Variants in PABPN1L observed in about 807,000 individuals in gnomAD.
PABPN1L encodes PABPN1 like, cytoplasmic.
A neutral mutation model predicts 34.0 loss-of-function variants in PABPN1L; 45 were observed. The ratio of observed to expected loss-of-function variants is 1.32; its 90% CI spans 1.04 to 1.70. The LOEUF (loss-of-function observed/expected upper bound fraction) is 1.70. Among genes scored for constraint, PABPN1L ranks in the 40% most tolerant of loss-of-function variants. The pLI is 0.00. For synonymous variants in PABPN1L, 182 were observed against 152.1 expected (o/e 1.20, Z -1.45); for missense variants, 459 against 367.8 (o/e 1.25, Z -2.03).
rs770096468 is a variant in PABPN1L, at chr16:88,865,860, C to T, written c.337G>A (p.Ala113Thr). 7.5e-6 allele frequency: 12 copies of T among 1,609,946 alleles called. No individual in the cohort carries two copies. In the East Asian group the frequency reaches 2.7e-4, roughly 36 times the overall value. ...GCCGCGGTGCCCTCCTCTTCCTCGG[C>T]CTGTTGCTGCACTCCTGGAGGCCGT... Residue 113 changes from alanine (A) to threonine (T), a missense_variant, in exon 2 of 7, where the codon GCC becomes ACC. Ala to Thr is a moderately conservative substitution (Grantham distance 58). Transcript: ENST00000419291.
At position 88,864,372 on chromosome 16, in the gene PABPN1L, G is replaced by C. The variant is rs374867060; in HGVS notation, c.662C>G (p.Pro221Arg). 8 of 1,554,878 alleles carry C rather than the reference G, an allele frequency of 5.1e-6. No homozygotes were observed. The South Asian group carries it at 7.1e-5, about 14-fold the overall frequency. Residue 221 changes from proline (P) to arginine (R), a missense_variant, in exon 6 of 7, where the codon CCG (proline) becomes CGG (arginine). Coordinates refer to ENST00000419291, the Ensembl canonical transcript of PABPN1L. ...GATCCCAGGGAAGTTGGTTCTTTTCGGCAGCACCTGGAGCAAAGGCCTGTT... is the reference window on the plus strand; with the variant it reads ...GATCCCAGGGAAGTTGGTTCTTTTCCGCAGCACCTGGAGCAAAGGCCTGTT...
At chr16:88,864,774 T>G in intron 5 of PABPN1L, 79 bp downstream of exon 5, 1 of 1,421,490 alleles carries the variant, frequency 7.0e-7, no homozygotes, top group Non-Finnish European at 9.7e-7. Context: ...AGGAGCCAGC[T>G]GGGGCTGCTG....
At chr16:88,867,909 C>T (rs1968633860), upstream of PABPN1L, among the ~76,000 whole-genome samples, 1 of 152,212 alleles carries the variant, frequency 6.6e-6, no homozygotes, top group East Asian at 1.9e-4. Context: ...GGGCCCCCTG[C>T]ACAGCTCCTA....
In PABPN1L at chr16:88,866,512, GC is replaced by G; in HGVS notation, c.94del (p.Ala32ProfsTer61). 5 of 1,550,988 alleles carry G rather than the reference GC, an allele frequency of 3.2e-6. No individual in the cohort carries two copies. Among genetic ancestry groups the G allele is most frequent in the Non-Finnish European group, 4.4e-6 (5 of 1,147,044 alleles). ...CAGAATCTCCTTGGTCTCGTTCCAG[GC>G]CCCCCAGCCCTGGGCCTCAGGGTCT... On this transcript the variant is annotated frameshift_variant, in exon 1 of 7. Transcript: ENST00000419291. LOFTEE classifies it high-confidence loss of function.
chr16:88,866,374 G>A, exon 1 of PABPN1L: 1 of 1,550,516 alleles, frequency 6.4e-7, no homozygotes, highest in Non-Finnish European at 8.7e-7. Context: ...TGGGCACTCA[G>A]CCAGGTTCTC....
At chr16:88,868,902 A>C (rs1311872906), upstream of PABPN1L, among the ~76,000 whole-genome samples, 1 of 152,162 alleles carries the variant, frequency 6.6e-6, no homozygotes, top group Non-Finnish European at 1.5e-5. Context: ...CGGTGAGCGG[A>C]GGGTAACGTT....
Position 88,866,357 on chromosome 16 carries a change from C to G in PABPN1L, c.250G>C (p.Asp84His), listed in dbSNP as rs924276146. ...GGCCTCCACACAGCTGTTACCTGGT[C>G]AGGCAATGGGCACTCAGCCAGGTTC... The change falls in exon 1 of 7, where the codon GAC becomes CAC. Residue 84 changes from aspartate to histidine, a missense_variant. Asp to His is a moderately conservative substitution (Grantham distance 81, BLOSUM62 -1). Coordinates refer to ENST00000419291, the Ensembl canonical transcript of PABPN1L. The G allele has an allele frequency of 3.2e-6, 5 of 1,549,534 alleles. No individual in the cohort carries two copies. The African/African-American group carries it at 6.8e-5, about 21-fold the overall frequency.
chr16:88,864,620 A>T (rs1417740360), intron 5 of PABPN1L, among the ~76,000 whole-genome samples: 4 of 142,334 alleles, frequency 2.8e-5, no homozygotes, highest in Admixed American at 2.2e-4. Context: ...CACGGCCAGC[A>T]CCCCTGCAGA....
At chr16:88,869,657 G>A (rs1172853791), upstream of PABPN1L, among the ~76,000 whole-genome samples, 3 of 152,210 alleles carry the variant, frequency 2.0e-5, no homozygotes, top group Non-Finnish European at 2.9e-5. Context: ...GCCAGCACCC[G>A]TGCCTCCACC....
chr16:88,864,427 C>G, intron 5 of PABPN1L, 48 bp from the exon 6 acceptor site: 1 of 1,521,348 alleles, frequency 6.6e-7, no homozygotes, highest in Non-Finnish European at 8.8e-7. Context: ...CAGCCGAGAC[C>G]CAGCTCACAG....
Position 88,864,478 on chromosome 16 carries a change from C to T in PABPN1L, c.655-99G>A, listed in dbSNP as rs1597639292. ...CCACCCCGGAGCATGGGGTCCTGCC[C>T]GGCTCAGGATACCATTCGGGCCTAC... On this transcript the variant is annotated intron_variant, in intron 5 of 6. Coordinates refer to ENST00000419291, the Ensembl canonical transcript of PABPN1L. 1.5e-5 allele frequency: 22 copies of T among 1,441,672 alleles called. No individual in the cohort carries two copies. The Middle Eastern group carries it at 1.2e-3, about 79-fold the overall frequency. The allele number at this position is 1,441,672 out of a possible 1,614,324, so 89.3% of individuals were successfully genotyped here.
intron 6 of PABPN1L, among the ~76,000 whole-genome samples, 171 bp from the exon 7 acceptor site, chr16:88,863,966 A>G (rs1001051381): frequency 1.3e-5 from 2 of 152,194 alleles, no homozygotes; most frequent in Admixed American, 6.5e-5. Flanking sequence ...GGGTCCCACG[A>G]AAAGGAAAGG....
intron 5 of PABPN1L, 100 bp downstream of exon 5, chr16:88,864,753 G>A (rs1055329277): frequency 5.4e-6 from 7 of 1,285,576 alleles, no homozygotes; most frequent in South Asian, 4.0e-5. Flanking sequence ...CCTGAGACAC[G>A]CTGTGCAGAG....
intron 3 of PABPN1L, 73 bp from the exon 4 acceptor site, chr16:88,865,201 G>C (rs1968560914): frequency 6.8e-7 from 1 of 1,469,174 alleles, no homozygotes; most frequent in East Asian, 2.5e-5. Flanking sequence ...TTAGAGGTGA[G>C]GAAAGAAACC....
chr16:88,866,486 C>G, exon 1 of PABPN1L: 1 of 1,551,422 alleles, frequency 6.4e-7, no homozygotes, highest in Non-Finnish European at 8.7e-7. Flanking sequence ...CCCTCTGGCC[C>G]CAGAATCTCC....
chr16:88,864,019 G>A (rs898661685), intron 6 of PABPN1L, among the ~76,000 whole-genome samples: 2 of 146,960 alleles, frequency 1.4e-5, no homozygotes, highest in Middle Eastern at 3.2e-3. Context: ...GCCCACCCTG[G>A]GGCCTTTGTG....
chr16:88,864,869 C>G (rs201952440), exon 5 of PABPN1L: 2 of 1,602,814 alleles, frequency 1.2e-6, no homozygotes, highest in Middle Eastern at 3.3e-4. Flanking sequence ...GACCCGGCCC[C>G]GGAAGAGGCT....
chr16:88,863,701 A>G (rs763538166), exon 7 of PABPN1L: 27 of 1,525,066 alleles, frequency 1.8e-5, no homozygotes, highest in South Asian at 1.2e-4. Flanking sequence ...ATGGAGCACA[A>G]GTGGTTTACT....
intron 1 of PABPN1L, 92 bp from the exon 2 acceptor site, chr16:88,866,033 A>G: frequency 1.4e-6 from 2 of 1,462,894 alleles, no homozygotes; most frequent in Non-Finnish European, 1.8e-6. Flanking sequence ...GCAGAGGGTC[A>G]CAGCCCCAAG....
Sources: allele counts gnomAD v4.1 joint callset (sites outside exome capture counted in the v4.1 genomes callset), GRCh38; gene constraint gnomAD v4.1.1; transcripts MANE v1.5; gene names NCBI Gene and HGNC (gene_info 2026-07-23, HGNC 2026-07-21).